STARD3: variants seen among roughly 807,000 people sequenced by gnomAD.
The protein encoded by STARD3 is stAR-related lipid transfer protein 3.
STARD3 carries 39 observed loss-of-function variants against 62.0 expected under a neutral mutation model. That is an observed-to-expected ratio of 0.63 (90% CI 0.49 to 0.82). The LOEUF (loss-of-function observed/expected upper bound fraction) is 0.82. STARD3 is among the 40% of genes least tolerant of loss of function. The probability of loss-of-function intolerance (pLI) is 0.00; values close to 1 mark genes in which losing one functional copy is unlikely to be tolerated. For synonymous variants in STARD3, 229 were observed against 242.4 expected (o/e 0.94, Z 0.51); for missense variants, 543 against 584.5 (o/e 0.93, Z 0.73).
intron 1 of STARD3, among the ~76,000 whole-genome samples, chr17:39,647,233 C>A (rs908280246): frequency 6.6e-6 from 1 of 151,864 alleles, no homozygotes; most frequent in Non-Finnish European, 1.5e-5. Flanking sequence ...TCCACTTTCC[C>A]CCCTACCTCC....
chr17:39,639,819 T>C (rs2056967271), intron 1 of STARD3, among the ~76,000 whole-genome samples: 1 of 152,200 alleles, frequency 6.6e-6, no homozygotes. Context: ...TGCCTCCCTG[T>C]AATGCCCACC....
At position 39,663,323 on chromosome 17, in the gene STARD3, T is replaced by C. The variant is rs2057222350; in HGVS notation, c.*415T>C. On this transcript the variant is annotated 3_prime_UTR_variant, in exon 15 of 15. Transcript: ENST00000336308. ...GCTCTCGTCGGTTTTTTTAGGATTA[T>C]TGAAAGAGTCTGGGACCCTTGTTGG... The C allele has an allele frequency of 8.3e-6, 3 of 359,674 alleles. No individual in the cohort carries two copies. The highest frequency in any genetic ancestry group is 4.2e-5 in the African/African-American group (2 of 47,622). The allele number at this position is 359,674 out of a possible 1,614,324, so 22.3% of individuals were successfully genotyped here.
chr17:39,641,455 T>TA (rs901146234), intron 1 of STARD3, among the ~76,000 whole-genome samples: 153 of 143,864 alleles, frequency 1.1e-3, no homozygotes, highest in Non-Finnish European at 1.1e-3. Context: ...ACCTGTCTCT[T>TA]AAAAAAAAAA....
Position 39,660,486 on chromosome 17 carries a change from A to T in STARD3, c.914A>T (p.Glu305Val). ...TACCAGGAGGTGATCCTGCAGCCCG[A>T]GAGGATGGTGCTGTGGAACAAGACA... is the stretch of plus-strand genomic sequence containing the variant. ...LVYQEVILQP[E>V]RMVLWNKTVT... Residue 305 changes from glutamate (E) to valine (V), a missense_variant, in exon 11 of 15, where the codon GAG becomes GTG. Transcript: ENST00000336308. The surrounding 1 kb of genome is among the most constrained non-coding windows in gnomAD (Gnocchi z 4.8). 6.2e-7 allele frequency: 1 copy of T among 1,613,808 alleles called. No homozygotes were observed. Among genetic ancestry groups the T allele is most frequent in the Non-Finnish European group, 8.5e-7 (1 of 1,179,984 alleles).
chr17:39,659,391 A>G, intron 8 of STARD3, 70 bp from the exon 9 acceptor site: 1 of 1,461,790 alleles, frequency 6.8e-7, no homozygotes, highest in East Asian at 2.3e-5. Flanking sequence ...GTCTAGAGAG[A>G]GAACAGGCCA....
exon 15 of STARD3, chr17:39,664,199 G>GGGACAGTGAACC (rs2057234115): frequency 6.6e-6 from 1 of 152,346 alleles, no homozygotes; most frequent in South Asian, 2.1e-4. Context: ...ATGAAGAACC[G>GGGACAGTGAACC]GGGACAGTGC....
chr17:39,656,912 TCCTCCATCCCCTA>T, intron 2 of STARD3, 83 bp from the exon 3 acceptor site: 1 of 1,230,248 alleles, frequency 8.1e-7, no homozygotes, highest in Non-Finnish European at 1.2e-6. Context: ...CCCTCCAGGT[TCCTCCATCCCCTA>T]CCTCTTGCCC....
At chr17:39,644,915 G>A (rs939790379) in intron 1 of STARD3, among the ~76,000 whole-genome samples, 14 of 151,998 alleles carry the variant, frequency 9.2e-5, no homozygotes, top group Admixed American at 9.2e-4. Context: ...AGCTGCCGTC[G>A]GTCAGCTGGG....
At chr17:39,661,855 G>A (rs1363485208) in intron 13 of STARD3, among the ~76,000 whole-genome samples, 1 of 152,228 alleles carries the variant, frequency 6.6e-6, no homozygotes, top group African/African-American at 2.4e-5. Flanking sequence ...TGCCTCCCAG[G>A]CTTAGCCTTC....
chr17:39,645,323 G>A (rs889731405), intron 1 of STARD3, among the ~76,000 whole-genome samples: 1 of 152,214 alleles, frequency 6.6e-6, no homozygotes. Flanking sequence ...AGGCTAGAGG[G>A]TTAGGGAGCT....
intron 13 of STARD3, among the ~76,000 whole-genome samples, chr17:39,661,827 G>A (rs1225202983): frequency 6.6e-6 from 1 of 152,218 alleles, no homozygotes; most frequent in Non-Finnish European, 1.5e-5. Context: ...GAATGAAATG[G>A]TGATGGGATG....
intron 1 of STARD3, among the ~76,000 whole-genome samples, chr17:39,651,332 C>T (rs1166998092): frequency 6.6e-6 from 1 of 152,174 alleles, no homozygotes; most frequent in Non-Finnish European, 1.5e-5. Context: ...ACTGAGGGGC[C>T]CAGGAAGGTA....
intron 1 of STARD3, among the ~76,000 whole-genome samples, chr17:39,638,466 A>C (rs1181753478): frequency 6.6e-6 from 1 of 151,944 alleles, no homozygotes; most frequent in Non-Finnish European, 1.5e-5. Context: ...CGCCATGCCT[A>C]CCCTTGCTGT....
chr17:39,657,965 C>T lies in STARD3; in HGVS notation c.376-8C>T, dbSNP rs375942416. On this transcript the variant is annotated splice_polypyrimidine_tract_variant and splice_region_variant and intron_variant, in intron 4 of 14. Coordinates refer to ENST00000336308, the MANE Select transcript of STARD3 (RefSeq NM_006804.4). ...GCCTTCCCCTTCCTCCCTCCCTCCCCTGGGCAGGTCACGACGCTGGTGTCC... is the reference window on the plus strand; with the variant it reads ...GCCTTCCCCTTCCTCCCTCCCTCCCTTGGGCAGGTCACGACGCTGGTGTCC... 4.4e-5 allele frequency: 71 copies of T among 1,595,846 alleles called. No individual in the cohort carries two copies. Among genetic ancestry groups the T allele is most frequent in the Non-Finnish European group, 6.1e-5 (71 of 1,171,030 alleles).
intron 1 of STARD3, among the ~76,000 whole-genome samples, chr17:39,649,894 A>G (rs2057061359): frequency 6.6e-6 from 1 of 151,858 alleles, no homozygotes; most frequent in Admixed American, 6.6e-5. Flanking sequence ...AAGATATACA[A>G]AGAAAGCATA....
At chr17:39,647,577 ACAGGGCAGTTCC>A (rs2057038779) in intron 1 of STARD3, among the ~76,000 whole-genome samples, 2 of 152,192 alleles carry the variant, frequency 1.3e-5, no homozygotes, top group Admixed American at 6.5e-5. Flanking sequence ...TGGGGACTGC[ACAGGGCAGTTCC>A]ACGCCACGGT....
Position 39,660,188 on chromosome 17 carries a change from GCCA to G in STARD3, c.796-20_796-18del, listed in dbSNP as rs1471764481. ...ACCCCCTGCCTCCACTCTCCTCCCT[GCCA>G]CCTTCTGTCCCTGCCATAGGAATAT... On this transcript the variant is annotated intron_variant, in intron 9 of 14. Coordinates refer to ENST00000336308, the MANE Select transcript of STARD3 (RefSeq NM_006804.4). This position sits in a 1 kb window ranked among gnomAD's most constrained non-coding sequence, Gnocchi z 4.8. The G allele has an allele frequency of 6.2e-7, 1 of 1,613,576 alleles. No individual in the cohort carries two copies.
At chr17:39,653,444 G>A (rs1032125844) in intron 1 of STARD3, 37 bp from the exon 2 acceptor site, 20 of 1,382,772 alleles carry the variant, frequency 1.4e-5, no homozygotes, top group Middle Eastern at 2.4e-4. Context: ...AGGGACAGGA[G>A]GAGTTTGACA....
intron 13 of STARD3, among the ~76,000 whole-genome samples, chr17:39,661,630 C>G (rs1241486573): frequency 4.6e-5 from 7 of 152,276 alleles, no homozygotes; most frequent in Middle Eastern, 3.4e-3. Context: ...GTGGCCCCCT[C>G]CCATAGACCC....
Sources: allele counts gnomAD v4.1 joint callset (sites outside exome capture counted in the v4.1 genomes callset), GRCh38; gene constraint gnomAD v4.1.1; non-coding constraint Gnocchi (gnomAD v3.1); transcripts MANE v1.5; gene names NCBI Gene and HGNC (gene_info 2026-07-23, HGNC 2026-07-21).